Variants in NTNG2 observed in about 807,000 individuals in gnomAD.
NTNG2 encodes the protein netrin-G2.
A neutral mutation model predicts 47.6 loss-of-function variants in NTNG2; 15 were observed. The observed-to-expected ratio is 0.32, with a 90% confidence interval of 0.21 to 0.49. NTNG2 has a LOEUF of 0.49. NTNG2 is among the 20% of genes least tolerant of loss of function. The probability of loss-of-function intolerance (pLI) is 0.99; values close to 1 mark genes in which losing one functional copy is unlikely to be tolerated. For missense variants in NTNG2, 578 were observed against 764.6 expected (o/e 0.76, Z 2.88); for synonymous variants, 307 against 324.6 (o/e 0.95, Z 0.58).
rs1453335305 is a variant in NTNG2 at position 132,236,638 on chromosome 9, G to A, written c.1055-2466G>A. On this transcript the variant is annotated intron_variant, in intron 5 of 7. Transcript: ENST00000393229. This position sits in a 1 kb window ranked among gnomAD's most constrained non-coding sequence, Gnocchi z 4.3. ...AGGCTCGGTTCCTAGAAACCTGGAG[G>A]ACCTGGGCCTGGTGTCCTCTGTGGT... 6.6e-6 allele frequency among the ~76,000 whole-genome samples: 1 copy of A among 152,220 alleles called. No homozygotes were observed. Among genetic ancestry groups the A allele is most frequent in the Non-Finnish European group, 1.5e-5 (1 of 68,028 alleles).
chr9:132,231,550 G>A lies in NTNG2; in HGVS notation c.1054+955G>A, dbSNP rs965781525. 2 of 342,084 alleles carry A rather than the reference G, an allele frequency of 5.8e-6. No homozygotes were observed. The highest frequency in any genetic ancestry group is 1.2e-5 in the Non-Finnish European group (2 of 172,774). 21.2% of individuals were successfully genotyped at this position (342,084 alleles called of 1,614,324 possible). A position where few individuals can be genotyped will look rare whatever the true frequency, so the allele number is the denominator to read the frequency against. On this transcript the variant is annotated intron_variant, in intron 5 of 7. Coordinates refer to ENST00000393229, the MANE Select transcript of NTNG2 (RefSeq NM_032536.4). The surrounding 1 kb of genome is among the most constrained non-coding windows in gnomAD (Gnocchi z 4.1). ...GAAAGAAGCTGGACCCTGCAGGGAC[G>A]CTGGTCTGCACAGCCGTCGTAAGTT...
Position 132,208,573 on chromosome 9 carries a change from G to C in NTNG2, c.857+9964G>C, listed in dbSNP as rs1839348208. ...GTGGGCCGCCTGGAGGTGGTCTTTG[G>C]TGGCAGTGTTGCTGAGTAGCTGATG... On this transcript the variant is annotated intron_variant, in intron 3 of 7. Coordinates refer to ENST00000393229, the MANE Select transcript of NTNG2 (RefSeq NM_032536.4). The surrounding 1 kb of genome is among the most constrained non-coding windows in gnomAD (Gnocchi z 4.0). Among the ~76,000 whole-genome samples the C allele has an allele frequency of 6.6e-6, 1 of 152,098 alleles. No homozygotes were observed. The highest frequency in any genetic ancestry group is 6.6e-5 in the Admixed American group (1 of 15,266).
chr9:132,174,310 AGACG>A (rs546137695), intron 2 of NTNG2, among the ~76,000 whole-genome samples: 122 of 102,956 alleles, frequency 1.2e-3, no homozygotes, highest in Admixed American at 4.1e-3. Context: ...GCTGCGGATG[AGACG>A]GACGGACGGA....
chr9:132,207,367 G>C (rs977273740), intron 3 of NTNG2, among the ~76,000 whole-genome samples: 1 of 152,116 alleles, frequency 6.6e-6, no homozygotes, highest in Non-Finnish European at 1.5e-5. Context: ...TCCGCCCTCC[G>C]CTCGCTCCTG....
chr9:132,228,017 T>G (rs1327230540), intron 4 of NTNG2, among the ~76,000 whole-genome samples: 1 of 152,118 alleles, frequency 6.6e-6, no homozygotes, highest in Non-Finnish European at 1.5e-5. Context: ...CTTATTACGG[T>G]CCCTTCTCCA....
At chr9:132,229,909 C>T (rs569773267) in intron 4 of NTNG2, among the ~76,000 whole-genome samples, 1 of 152,352 alleles carries the variant, frequency 6.6e-6, no homozygotes, top group Non-Finnish European at 1.5e-5. Flanking sequence ...GATCATAGGC[C>T]TCCCCCATCC....
chr9:132,185,171 C>G (rs531886648), intron 2 of NTNG2, among the ~76,000 whole-genome samples: 9 of 152,266 alleles, frequency 5.9e-5, no homozygotes, highest in Admixed American at 5.9e-4. Context: ...TGCTGGGGAC[C>G]AGGCTTCACT....
chr9:132,239,843 T>G (rs1841872110), intron 6 of NTNG2, among the ~76,000 whole-genome samples: 1 of 152,276 alleles, frequency 6.6e-6, no homozygotes, highest in Admixed American at 6.5e-5. Flanking sequence ...TTTTTGTGGC[T>G]GAAGCTTTTC....
rs1372131014 is a variant in NTNG2 at position 132,244,223 on chromosome 9, G to A, written c.*2112G>A. The A allele has an allele frequency of 6.6e-6, 1 of 152,262 alleles. No homozygotes were observed. Among genetic ancestry groups the A allele is most frequent in the African/African-American group, 2.4e-5 (1 of 41,450 alleles). The allele number at this position is 152,262 out of a possible 1,614,324, so 9.4% of individuals were successfully genotyped here. Reference sequence around the variant, plus strand: ...CTCTTCAGTCAGCAGGATGGGGAAGGAGCCTTCTTGAGACACTGAGCATAA... The same window carrying A: ...CTCTTCAGTCAGCAGGATGGGGAAGAAGCCTTCTTGAGACACTGAGCATAA... On this transcript the variant is annotated 3_prime_UTR_variant, in exon 8 of 8. Transcript: ENST00000393229.
At chr9:132,207,598 A>G (rs978871393) in intron 3 of NTNG2, among the ~76,000 whole-genome samples, 1 of 152,156 alleles carries the variant, frequency 6.6e-6, no homozygotes, top group Non-Finnish European at 1.5e-5. Flanking sequence ...CCCCGTTTCC[A>G]TGTAAGGTCA....
At chr9:132,175,907 C>A (rs143941243) in intron 2 of NTNG2, among the ~76,000 whole-genome samples, 1 of 152,162 alleles carries the variant, frequency 6.6e-6, no homozygotes, top group African/African-American at 2.4e-5. Context: ...TGGTCAGAGA[C>A]AAAACCACAC....
At chr9:132,171,773 C>T (rs147934555) in intron 2 of NTNG2, among the ~76,000 whole-genome samples, 89 of 152,324 alleles carry the variant, frequency 5.8e-4, no homozygotes, top group African/African-American at 2.1e-3. Context: ...ACTCTGCCTC[C>T]TGCCAGACCT....
At chr9:132,168,749 C>T (rs554375989) in intron 2 of NTNG2, among the ~76,000 whole-genome samples, 4 of 152,164 alleles carry the variant, frequency 2.6e-5, no homozygotes, top group Admixed American at 2.0e-4. Flanking sequence ...CACACGCTCT[C>T]GGGCACGGTC....
At chr9:132,171,797 A>G (rs1489940893) in intron 2 of NTNG2, among the ~76,000 whole-genome samples, 1 of 152,162 alleles carries the variant, frequency 6.6e-6, no homozygotes, top group Admixed American at 6.5e-5. Context: ...GGATCATGAA[A>G]TGTTTCCATC....
At chr9:132,195,047 A>G (rs1445746102) in intron 2 of NTNG2, among the ~76,000 whole-genome samples, 2 of 152,262 alleles carry the variant, frequency 1.3e-5, no homozygotes, top group African/African-American at 2.4e-5. Context: ...AAGGGCCACA[A>G]GTGGTCCGGA....
At chr9:132,212,937 C>G (rs965466492) in intron 3 of NTNG2, among the ~76,000 whole-genome samples, 3 of 151,302 alleles carry the variant, frequency 2.0e-5, no homozygotes, top group East Asian at 1.9e-4. Flanking sequence ...CCCAACCCCC[C>G]AAAGAAGACC....
intron 3 of NTNG2, among the ~76,000 whole-genome samples, chr9:132,210,462 T>A (rs1839508733): frequency 6.6e-6 from 1 of 152,194 alleles, no homozygotes. Context: ...TGTCCCTTCA[T>A]CAGTCAACAG....
chr9:132,214,361 C>T (rs1275235073), intron 3 of NTNG2, among the ~76,000 whole-genome samples: 2 of 152,342 alleles, frequency 1.3e-5, no homozygotes, highest in South Asian at 2.1e-4. Flanking sequence ...CTCCCTGCAG[C>T]GCAGGGCACG....
chr9:132,186,568 C>G (rs1461578875), intron 2 of NTNG2, among the ~76,000 whole-genome samples: 1 of 152,192 alleles, frequency 6.6e-6, no homozygotes, highest in East Asian at 1.9e-4. Context: ...GCATTTCATC[C>G]TTGCTTTCTG....
Sources: allele counts gnomAD v4.1 joint callset (sites outside exome capture counted in the v4.1 genomes callset), GRCh38; gene constraint gnomAD v4.1.1; non-coding constraint Gnocchi (gnomAD v3.1); transcripts MANE v1.5; gene names NCBI Gene and HGNC (gene_info 2026-07-23, HGNC 2026-07-21).